Variants in TMEM132D observed in about 807,000 individuals in gnomAD.
The protein encoded by TMEM132D is mature OL transmembrane protein.
TMEM132D carries 21 observed loss-of-function variants against 62.3 expected under a neutral mutation model. That is an observed-to-expected ratio of 0.34 (90% CI 0.24 to 0.49). The LOEUF (loss-of-function observed/expected upper bound fraction) is 0.49, where lower values mean the gene tolerates loss of function less well. Among genes scored for constraint, TMEM132D ranks in the 20% least tolerant of loss-of-function variants. The probability of loss-of-function intolerance (pLI) is 0.99; values close to 1 mark genes in which losing one functional copy is unlikely to be tolerated. For missense variants in TMEM132D, 1,346 were observed against 1,402.8 expected (o/e 0.96, Z 0.65); for synonymous variants, 621 against 575.6 (o/e 1.08, Z -1.13).
At chr12:129,577,131 G>A (rs903847017) in intron 2 of TMEM132D, among the ~76,000 whole-genome samples, 1 of 151,732 alleles carries the variant, frequency 6.6e-6, no homozygotes, top group Non-Finnish European at 1.5e-5. Flanking sequence ...TAAACACAAC[G>A]AAAAATACTT....
chr12:129,445,336 A>G (rs1197379303), intron 3 of TMEM132D, among the ~76,000 whole-genome samples: 2 of 152,178 alleles, frequency 1.3e-5, no homozygotes, highest in African/African-American at 4.8e-5. Flanking sequence ...GAAGGAGAGA[A>G]TCAAGAAAAA....
At chr12:129,320,162 C>T (rs933400744) in intron 4 of TMEM132D, among the ~76,000 whole-genome samples, 4 of 152,138 alleles carry the variant, frequency 2.6e-5, no homozygotes, top group Non-Finnish European at 5.9e-5. Context: ...AAATGATCTG[C>T]TAAAGTCTAG....
chr12:129,303,810 T>G (rs1881776968), intron 4 of TMEM132D, among the ~76,000 whole-genome samples: 1 of 145,406 alleles, frequency 6.9e-6, no homozygotes. Flanking sequence ...GCAGAAATCC[T>G]GAGAACTGTG....
chr12:129,556,588 A>G (rs891143803), intron 2 of TMEM132D, among the ~76,000 whole-genome samples: 1 of 152,178 alleles, frequency 6.6e-6, no homozygotes, highest in African/African-American at 2.4e-5. Context: ...AAAGCAGTGA[A>G]TAGAAATAAC....
chr12:129,249,138 A>G (rs1880200379), intron 4 of TMEM132D, among the ~76,000 whole-genome samples: 1 of 152,222 alleles, frequency 6.6e-6, no homozygotes, highest in Non-Finnish European at 1.5e-5. Flanking sequence ...CAGCTCATTA[A>G]GCAATAATGA....
chr12:129,580,255 GC>G (rs1565910872), intron 2 of TMEM132D, among the ~76,000 whole-genome samples: 1 of 152,156 alleles, frequency 6.6e-6, no homozygotes, highest in Non-Finnish European at 1.5e-5. Flanking sequence ...AAGACACACA[GC>G]CTAAGTGAAA....
At chr12:129,802,824 A>C (rs1213104313) in intron 1 of TMEM132D, among the ~76,000 whole-genome samples, 2 of 151,416 alleles carry the variant, frequency 1.3e-5, no homozygotes, top group African/African-American at 4.9e-5. Context: ...CATAGGCTCA[A>C]AATAAAAGGA....
intron 2 of TMEM132D, among the ~76,000 whole-genome samples, chr12:129,546,842 C>T (rs1456521080): frequency 1.3e-5 from 2 of 151,934 alleles, no homozygotes; most frequent in Non-Finnish European, 2.9e-5. Context: ...ACAAGGGTAG[C>T]TACCATTGTA....
intron 2 of TMEM132D, among the ~76,000 whole-genome samples, chr12:129,618,991 A>G (rs1166282474): frequency 6.6e-6 from 1 of 152,220 alleles, no homozygotes; most frequent in African/African-American, 2.4e-5. Flanking sequence ...AGTTGTTATC[A>G]GCAGAAAGGA....
chr12:129,218,281 T>G (rs1485629538), intron 4 of TMEM132D, among the ~76,000 whole-genome samples: 1 of 152,244 alleles, frequency 6.6e-6, no homozygotes, highest in Non-Finnish European at 1.5e-5. Context: ...TGAACAGTTA[T>G]GGGTCACTAA....
At chr12:129,763,592 C>T (rs984404428) in intron 1 of TMEM132D, among the ~76,000 whole-genome samples, 20 of 152,130 alleles carry the variant, frequency 1.3e-4, no homozygotes, top group African/African-American at 4.3e-4. Flanking sequence ...GAGTTGATGG[C>T]ACTTTCTTTG....
intron 4 of TMEM132D, among the ~76,000 whole-genome samples, chr12:129,293,889 C>T (rs989767980): frequency 1.3e-5 from 2 of 152,154 alleles, no homozygotes; most frequent in Admixed American, 1.3e-4. Context: ...CGGACCAATA[C>T]TGGTCCATAG....
At chr12:129,095,001 G>C (rs1334364362) in intron 5 of TMEM132D, among the ~76,000 whole-genome samples, 1 of 145,840 alleles carries the variant, frequency 6.9e-6, no homozygotes, top group Non-Finnish European at 1.5e-5. Flanking sequence ...ATGGACACAG[G>C]AAGGGGAACA....
intron 1 of TMEM132D, among the ~76,000 whole-genome samples, chr12:129,888,462 C>A (rs548495871): frequency 2.4e-4 from 37 of 152,228 alleles, no homozygotes; most frequent in African/African-American, 8.4e-4. Flanking sequence ...CTTTGAGAGA[C>A]CGAGGCAGGA....
chr12:129,687,493 G>A (rs1424881127), intron 2 of TMEM132D, among the ~76,000 whole-genome samples: 1 of 150,988 alleles, frequency 6.6e-6, no homozygotes. Context: ...GTGGGAGGGT[G>A]AATGCAGGAG....
chr12:129,452,497 G>A (rs1202935809), intron 3 of TMEM132D, among the ~76,000 whole-genome samples: 1 of 152,142 alleles, frequency 6.6e-6, no homozygotes, highest in Non-Finnish European at 1.5e-5. Context: ...CACCTCATCA[G>A]TGATACTCTG....
At chr12:129,699,167 A>G (rs1593125342) in intron 2 of TMEM132D, among the ~76,000 whole-genome samples, 1 of 152,208 alleles carries the variant, frequency 6.6e-6, no homozygotes. Flanking sequence ...CACAGTGAAA[A>G]CCAGCCTATA....
intron 2 of TMEM132D, among the ~76,000 whole-genome samples, chr12:129,578,232 C>T (rs1263269682): frequency 2.0e-5 from 3 of 152,084 alleles, no homozygotes; most frequent in African/African-American, 7.2e-5. Flanking sequence ...CTCAGGCCTT[C>T]GGACTCAGAA....
In TMEM132D at chr12:129,119,459, G is replaced by A. The variant is rs961151181; in HGVS notation, c.1444-34757C>T. ...CTCCACCATAAAAAAGAATGAAATC[G>A]TATCTTTTTCAGCAACACGGATGGA... On this transcript the variant is annotated intron_variant, in intron 5 of 8. Coordinates refer to ENST00000422113, the MANE Select transcript of TMEM132D (RefSeq NM_133448.3). 1.1e-4 allele frequency among the ~76,000 whole-genome samples: 16 copies of A among 152,254 alleles called. No individual in the cohort carries two copies. In the East Asian group the frequency reaches 2.3e-3, roughly 22 times the overall value.
Sources: allele counts gnomAD v4.1 joint callset (sites outside exome capture counted in the v4.1 genomes callset), GRCh38; gene constraint gnomAD v4.1.1; transcripts MANE v1.5; gene names NCBI Gene and HGNC (gene_info 2026-07-23, HGNC 2026-07-21).